BICDL1: variants seen among roughly 807,000 people sequenced by gnomAD.
BICDL1 encodes the protein BICD family-like cargo adapter 1.
A neutral mutation model predicts 76.8 loss-of-function variants in BICDL1; 20 were observed. The observed-to-expected ratio is 0.26, with a 90% confidence interval of 0.18 to 0.38. The LOEUF is 0.38. BICDL1 is among the 10% of genes least tolerant of loss of function. The pLI, the probability that BICDL1 is intolerant of heterozygous loss-of-function variation, is 1.00. For missense variants in BICDL1, 700 were observed against 798.6 expected (o/e 0.88, Z 1.49); for synonymous variants, 383 against 337.1 (o/e 1.14, Z -1.49).
chr12:120,040,906 G>A (rs974448430), intron 2 of BICDL1, among the ~76,000 whole-genome samples: 6 of 151,980 alleles, frequency 3.9e-5, no homozygotes, highest in African/African-American at 7.2e-5. Flanking sequence ...TGCACCACAC[G>A]TGGCTAATTT....
intron 2 of BICDL1, among the ~76,000 whole-genome samples, chr12:120,053,852 T>A (rs191530499): frequency 6.6e-5 from 10 of 152,222 alleles, no homozygotes; most frequent in African/African-American, 2.4e-4. Context: ...TACATGTATG[T>A]TTATCAGACT....
chr12:120,085,550 C>CT (rs2139004451), intron 8 of BICDL1, among the ~76,000 whole-genome samples: 1 of 152,280 alleles, frequency 6.6e-6, no homozygotes, highest in African/African-American at 2.4e-5. Context: ...GCAAGGGCGC[C>CT]TGTAATCCTA....
At chr12:120,066,670 C>A (rs1054225259) in intron 4 of BICDL1, among the ~76,000 whole-genome samples, 1 of 152,210 alleles carries the variant, frequency 6.6e-6, no homozygotes, top group Non-Finnish European at 1.5e-5. Flanking sequence ...TTTGGAAAAT[C>A]TGCATTTATA....
At chr12:120,088,071 G>A (rs1387120963) in intron 8 of BICDL1, among the ~76,000 whole-genome samples, 3 of 152,080 alleles carry the variant, frequency 2.0e-5, no homozygotes, top group African/African-American at 7.2e-5. Flanking sequence ...TGGGATTACA[G>A]GCAGCATGCG....
chr12:119,997,630 C>G (rs1324224021), intron 1 of BICDL1, among the ~76,000 whole-genome samples: 1 of 152,134 alleles, frequency 6.6e-6, no homozygotes. Context: ...CTTAGACAGT[C>G]CCCGCTTTGC....
chr12:120,044,376 T>A (rs1952704078), intron 2 of BICDL1, among the ~76,000 whole-genome samples: 1 of 152,200 alleles, frequency 6.6e-6, no homozygotes, highest in South Asian at 2.1e-4. Context: ...TAGACGTGAC[T>A]GCTCTTTCCT....
intron 2 of BICDL1, among the ~76,000 whole-genome samples, chr12:120,002,983 C>A (rs1594099885): frequency 6.6e-6 from 1 of 152,024 alleles, no homozygotes. Flanking sequence ...ATGGTGAAAC[C>A]CCATCTCTAC....
At chr12:120,077,497 G>A (rs543350407) in intron 7 of BICDL1, among the ~76,000 whole-genome samples, 383 of 152,268 alleles carry the variant, frequency 2.5e-3, no homozygotes, top group African/African-American at 8.8e-3. Context: ...CCCTCAGCCA[G>A]TTCTCAGGCC....
At chr12:120,047,239 A>G (rs77112037) in intron 2 of BICDL1, among the ~76,000 whole-genome samples, 1 of 152,126 alleles carries the variant, frequency 6.6e-6, no homozygotes, top group African/African-American at 2.4e-5. Context: ...ATTCCCTCAC[A>G]ATTGTTAGGG....
At position 120,048,240 on chromosome 12, in the gene BICDL1, G is replaced by A. The variant is rs545303685; in HGVS notation, c.646-13470G>A. Among the ~76,000 whole-genome samples, 60 of 151,950 alleles carry A rather than the reference G, an allele frequency of 3.9e-4. 2 individuals carry two copies. In the South Asian group the frequency reaches 0.012, roughly 31 times the overall value. ...GTGTCGCTCAGGCTGGAGTACAGAA[G>A]CTATTTGCAGGCACGATCATAGCTT... On this transcript the variant is annotated intron_variant, in intron 2 of 9. Transcript: ENST00000548673.
Position 120,079,393 on chromosome 12 carries a change from T to G in BICDL1, c.1453-1494T>G, listed in dbSNP as rs1873801456. 6.6e-6 allele frequency among the ~76,000 whole-genome samples: 1 copy of G among 152,170 alleles called. No individual in the cohort carries two copies. The highest frequency in any genetic ancestry group is 2.1e-4 in the South Asian group (1 of 4,826). ...CTTACACCTGGGGCCTTTGCTCAGT[T>G]TCATTCTAGCTGAAGAGGATTAGAC... On this transcript the variant is annotated intron_variant, in intron 7 of 9. Transcript: ENST00000548673. This position sits in a 1 kb window ranked among gnomAD's most constrained non-coding sequence, Gnocchi z 4.3.
intron 8 of BICDL1, among the ~76,000 whole-genome samples, chr12:120,089,271 CGTGTGTGTGTGT>C (rs138992612): frequency 6.8e-6 from 1 of 146,718 alleles, no homozygotes; most frequent in African/African-American, 2.6e-5. Flanking sequence ...CCTTTTTCAA[CGTGTGTGTGTGT>C]GTGTGTATGT....
In BICDL1 at chr12:120,079,295, T is replaced by C. The variant is rs1873794926; in HGVS notation, c.1453-1592T>C. ...ACCCCAGGGGCTGGCAGCTCTGCCG[T>C]CTCGTTCTGGAGAATGTCTGAAATG... On this transcript the variant is annotated intron_variant, in intron 7 of 9. Transcript: ENST00000548673. This position sits in a 1 kb window ranked among gnomAD's most constrained non-coding sequence, Gnocchi z 4.3. Among the ~76,000 whole-genome samples the C allele has an allele frequency of 6.6e-6, 1 of 152,232 alleles. No individual in the cohort carries two copies. Among genetic ancestry groups the C allele is most frequent in the Admixed American group, 6.5e-5 (1 of 15,290 alleles).
intron 2 of BICDL1, among the ~76,000 whole-genome samples, chr12:120,019,716 C>G (rs1481929463): frequency 6.6e-6 from 1 of 152,116 alleles, no homozygotes; most frequent in African/African-American, 2.4e-5. Flanking sequence ...TCCCAAGTAG[C>G]TGGGACTACA....
chr12:120,007,201 T>C (rs1239817818), intron 2 of BICDL1, among the ~76,000 whole-genome samples: 2 of 152,196 alleles, frequency 1.3e-5, no homozygotes, highest in Non-Finnish European at 2.9e-5. Flanking sequence ...GGTTGGAATA[T>C]AAAGTCAAAT....
At position 120,093,361 on chromosome 12, in the gene BICDL1, G is replaced by C; in HGVS notation, c.*200G>C. 1.6e-6 allele frequency: 1 copy of C among 632,904 alleles called. No homozygotes were observed. The highest frequency in any genetic ancestry group is 2.7e-6 in the Non-Finnish European group (1 of 375,232). 39.2% of individuals were successfully genotyped at this position (632,904 alleles called of 1,614,324 possible). On this transcript the variant is annotated 3_prime_UTR_variant, in exon 10 of 10. Coordinates refer to ENST00000548673, the MANE Select transcript of BICDL1 (RefSeq NM_001367886.1). ...TGGGGGCCTGCCTTGGCCACTGAAG[G>C]CTTCCCTTGGCCCACCGCCTGGCCA...
At chr12:120,083,871 T>C (rs1361977829) in intron 8 of BICDL1, among the ~76,000 whole-genome samples, 1 of 151,828 alleles carries the variant, frequency 6.6e-6, no homozygotes, top group Non-Finnish European at 1.5e-5. Context: ...CAAGCTGGTC[T>C]CAAACTCCTG....
chr12:120,068,585 A>G (rs1872832779), intron 4 of BICDL1, among the ~76,000 whole-genome samples: 1 of 152,240 alleles, frequency 6.6e-6, no homozygotes, highest in African/African-American at 2.4e-5. Flanking sequence ...GGAAGCCGAT[A>G]TGGGCAGATA....
chr12:120,011,492 T>A (rs1951952417), intron 2 of BICDL1, among the ~76,000 whole-genome samples: 1 of 152,198 alleles, frequency 6.6e-6, no homozygotes, highest in African/African-American at 2.4e-5. Context: ...CAGTATCACC[T>A]TTTTTGGTAC....
Sources: allele counts gnomAD v4.1 joint callset (sites outside exome capture counted in the v4.1 genomes callset), GRCh38; gene constraint gnomAD v4.1.1; non-coding constraint Gnocchi (gnomAD v3.1); transcripts MANE v1.5; gene names NCBI Gene and HGNC (gene_info 2026-07-23, HGNC 2026-07-21).